The following DHX29 variants were observed in gnomAD, a reference collection of about 807,000 sequenced individuals.
DHX29 encodes ATP-dependent RNA helicase DHX29.
DHX29 carries 79 observed loss-of-function variants against 167.9 expected under a neutral mutation model. That is an observed-to-expected ratio of 0.47 (90% CI 0.39 to 0.57). The LOEUF is 0.57. Among genes scored for constraint, DHX29 ranks in the 20% least tolerant of loss-of-function variants. DHX29 has a pLI of 0.00. For synonymous variants in DHX29, 530 were observed against 546.0 expected, an observed-to-expected ratio of 0.97 and a Z score of 0.41; for missense variants, 1,347 against 1,593.4, an observed-to-expected ratio of 0.85 and a Z score of 2.63.
intron 11 of DHX29, among the ~76,000 whole-genome samples, chr5:55,282,335 C>A (rs1005321178): frequency 6.6e-6 from 1 of 152,104 alleles, no homozygotes. Context: ...GAGTGCCTAG[C>A]GGAATTTTAA....
At chr5:55,257,756 A>C (rs1408874373) in intron 26 of DHX29, among the ~76,000 whole-genome samples, 1 of 152,222 alleles carries the variant, frequency 6.6e-6, no homozygotes, top group Non-Finnish European at 1.5e-5. Context: ...CGTATATACT[A>C]CACCCAACTT....
chr5:55,276,976 T>C, intron 13 of DHX29, 130 bp downstream of exon 13: 2 of 604,278 alleles, frequency 3.3e-6, no homozygotes, highest in East Asian at 5.7e-5. Context: ...TAAGGCTGTG[T>C]CCAGCTCCTC....
At chr5:55,256,618 A>G in intron 26 of DHX29, 78 bp from the exon 27 acceptor site, 1 of 1,379,734 alleles carries the variant, frequency 7.2e-7, no homozygotes, top group Non-Finnish European at 9.8e-7. Context: ...TGTAAATAAG[A>G]GGTATATGTC....
intron 23 of DHX29, among the ~76,000 whole-genome samples, chr5:55,264,157 G>T (rs10461594): frequency 6.6e-6 from 1 of 151,888 alleles, no homozygotes; most frequent in South Asian, 2.1e-4. Context: ...ATAGCATATC[G>T]TATTAAACAT....
At chr5:55,267,954 T>C (rs927835619) in intron 21 of DHX29, 132 bp from the exon 22 acceptor site, 3 of 447,688 alleles carry the variant, frequency 6.7e-6, no homozygotes, top group Non-Finnish European at 7.4e-6. Flanking sequence ...TATTTTATTA[T>C]GTTTATTAGT....
chr5:55,263,680 A>G (rs999832008), intron 23 of DHX29, among the ~76,000 whole-genome samples: 6 of 151,262 alleles, frequency 4.0e-5, no homozygotes, highest in African/African-American at 1.2e-4. Flanking sequence ...GGCTCACAGA[A>G]GAAGGGGTGG....
At chr5:55,266,124 G>A (rs765704503) in intron 23 of DHX29, among the ~76,000 whole-genome samples, 10 of 151,600 alleles carry the variant, frequency 6.6e-5, no homozygotes, top group Non-Finnish European at 1.0e-4. Context: ...TCAGCCTCCC[G>A]AGTATTTGGG....
At chr5:55,292,760 T>C (rs1748115370) in intron 6 of DHX29, among the ~76,000 whole-genome samples, 1 of 147,962 alleles carries the variant, frequency 6.8e-6, no homozygotes, top group South Asian at 2.3e-4. Context: ...TCCACAGCTG[T>C]ACCCTTGTTC....
intron 1 of DHX29, among the ~76,000 whole-genome samples, chr5:55,302,604 A>C (rs1748660591): frequency 6.6e-6 from 1 of 152,046 alleles, no homozygotes; most frequent in Admixed American, 6.6e-5. Context: ...AAAAAAAAAA[A>C]AAAAAAAACT....
intron 1 of DHX29, among the ~76,000 whole-genome samples, chr5:55,306,951 A>T (rs1748897728): frequency 6.6e-6 from 1 of 152,186 alleles, no homozygotes; most frequent in Non-Finnish European, 1.5e-5. Context: ...TGATTTTTCC[A>T]GAACGCATGG....
At position 55,274,890 on chromosome 5, in the gene DHX29, T is replaced by A; in HGVS notation, c.2548A>T (p.Ile850Phe). The change falls in exon 15 of 27, where the codon ATT becomes TTT. Residue 850 changes from isoleucine (I) to phenylalanine (F), a missense_variant. Coordinates refer to ENST00000251636, the MANE Select transcript of DHX29 (RefSeq NM_019030.4). ...CCTAAGTATGCAAGAAGTTCCAAAA[T>A]GAGATCCAGGTTGATTTTATGAGGA... ...MNPHKINLDL[I>F]LELLAYLDKS... The A allele has an allele frequency of 6.2e-7, 1 of 1,611,710 alleles. No homozygotes were observed. The highest frequency in any genetic ancestry group is 1.1e-5 in the South Asian group (1 of 90,884).
intron 25 of DHX29, among the ~76,000 whole-genome samples, chr5:55,260,161 T>C (rs1205463035): frequency 3.3e-5 from 5 of 152,218 alleles, no homozygotes; most frequent in African/African-American, 4.8e-5. Flanking sequence ...ATAAGGCAAC[T>C]ATTACTCCAA....
At chr5:55,262,465 A>G (rs1446599631) in intron 24 of DHX29, among the ~76,000 whole-genome samples, 165 bp downstream of exon 24, 1 of 152,208 alleles carries the variant, frequency 6.6e-6, no homozygotes, top group Non-Finnish European at 1.5e-5. Flanking sequence ...GAAAATAAGC[A>G]TTCTTTTGTT....
chr5:55,306,856 A>T (rs980594620), intron 1 of DHX29, among the ~76,000 whole-genome samples: 5 of 152,232 alleles, frequency 3.3e-5, no homozygotes, highest in Admixed American at 2.0e-4. Context: ...GCATGGCGGC[A>T]GAAACGAGGG....
chr5:55,276,335 T>A lies in DHX29; in HGVS notation c.2358A>T (p.Lys786Asn), dbSNP rs3761764. The A allele has an allele frequency of 1.2e-6, 2 of 1,603,930 alleles. No homozygotes were observed. The highest frequency in any genetic ancestry group is 1.7e-5 in the Admixed American group (1 of 57,832). Residue 786 changes from lysine to asparagine, a missense_variant, in exon 14 of 27, where the codon AAA becomes AAT. Transcript: ENST00000251636. The stretch of plus-strand genomic sequence containing the variant: ...TTACTTCTTCTTCCTCTTCCAGAAA[T>A]TTCTGACAATATTCTGAGTCTTTTT... Reference protein sequence around the residue: ...VLEKDSEYCQKFLEEEEEVTI... With the variant: ...VLEKDSEYCQNFLEEEEEVTI...
chr5:55,280,571 C>T (rs1174858546), intron 12 of DHX29, among the ~76,000 whole-genome samples: 4 of 152,120 alleles, frequency 2.6e-5, no homozygotes, highest in Non-Finnish European at 5.9e-5. Context: ...ACTCCCTTCC[C>T]GCAGGAGCCC....
chr5:55,256,629 A>C, intron 26 of DHX29, 89 bp from the exon 27 acceptor site: 1 of 1,219,986 alleles, frequency 8.2e-7, no homozygotes, highest in Non-Finnish European at 1.1e-6. Flanking sequence ...GGTATATGTC[A>C]CTAAAAATTT....
At chr5:55,302,870 A>G (rs1748677696) in intron 1 of DHX29, among the ~76,000 whole-genome samples, 1 of 152,136 alleles carries the variant, frequency 6.6e-6, no homozygotes, top group Non-Finnish European at 1.5e-5. Context: ...TACTTTCCTT[A>G]TTGCCTGGAG....
chr5:55,270,345 T>C, intron 20 of DHX29, 67 bp downstream of exon 20: 2 of 1,478,586 alleles, frequency 1.4e-6, no homozygotes, highest in Non-Finnish European at 9.0e-7. Flanking sequence ...TAAGTTTAGG[T>C]GTTCATTTTT....
Sources: allele counts gnomAD v4.1 joint callset (sites outside exome capture counted in the v4.1 genomes callset), GRCh38; gene constraint gnomAD v4.1.1; transcripts MANE v1.5; gene names NCBI Gene and HGNC (gene_info 2026-07-23, HGNC 2026-07-21).